The following ZFYVE1 variants were observed in gnomAD, a reference collection of about 807,000 sequenced individuals.
The protein encoded by ZFYVE1 is zinc finger FYVE-type containing 1.
Under a neutral mutation model 74.4 loss-of-function variants are expected in ZFYVE1, and 30 were observed. The observed-to-expected ratio is 0.40, with a 90% CI of 0.30 to 0.55. ZFYVE1 has a LOEUF of 0.55. Among genes scored for constraint, ZFYVE1 ranks in the 20% least tolerant of loss-of-function variants. The pLI, the probability that ZFYVE1 is intolerant of heterozygous loss-of-function variation, is 0.42. For missense variants in ZFYVE1, 703 were observed against 1,011.6 expected (o/e 0.69, Z 4.14); for synonymous variants, 335 against 385.1 (o/e 0.87, Z 1.52).
chr14:72,979,984 A>G (rs750608871), intron 5 of ZFYVE1, among the ~76,000 whole-genome samples: 1 of 152,208 alleles, frequency 6.6e-6, no homozygotes, highest in Non-Finnish European at 1.5e-5. Context: ...TAAAAGGGAA[A>G]GTTCCAGAAA....
chr14:72,994,286 G>A (rs1893692752), intron 3 of ZFYVE1, among the ~76,000 whole-genome samples: 1 of 126,362 alleles, frequency 7.9e-6, no homozygotes, highest in African/African-American at 3.0e-5. Context: ...TCGCACCACT[G>A]CACTCCAGCC....
At chr14:72,997,390 G>A (rs1193873443) in intron 3 of ZFYVE1, among the ~76,000 whole-genome samples, 1 of 151,650 alleles carries the variant, frequency 6.6e-6, no homozygotes, top group Non-Finnish European at 1.5e-5. Context: ...TAGAGACATA[G>A]CCTCACTATG....
At chr14:73,017,780 C>G (rs1240625434) in intron 2 of ZFYVE1, among the ~76,000 whole-genome samples, 1 of 152,192 alleles carries the variant, frequency 6.6e-6, no homozygotes, top group Non-Finnish European at 1.5e-5. Flanking sequence ...CCTAAGTGGT[C>G]TCCCTGCCTT....
chr14:72,975,075 C>CTTGTCCTTGTTGAGCT lies in ZFYVE1; in HGVS notation c.1807-117_1807-116insAGCTCAACAAGGACAA. On this transcript the variant is annotated intron_variant, in intron 9 of 11. Coordinates refer to ENST00000556143, the MANE Select transcript of ZFYVE1 (RefSeq NM_021260.4). This position sits in a 1 kb window ranked among gnomAD's most constrained non-coding sequence, Gnocchi z 4.1. Reference sequence around the variant, plus strand: ...GAAACTAAGGCAGGTGGCGTTAGCTCAACAAGGACAAGAGCTTTCTAGTAA... The same window carrying CTTGTCCTTGTTGAGCT: ...GAAACTAAGGCAGGTGGCGTTAGCTCTTGTCCTTGTTGAGCTAACAAGGACAAGAGCTTTCTAGTAA... 1 of 1,135,702 alleles carries CTTGTCCTTGTTGAGCT rather than the reference C, an allele frequency of 8.8e-7. No homozygotes were observed. The highest frequency in any genetic ancestry group is 1.2e-6 in the Non-Finnish European group (1 of 814,620). The allele number at this position is 1,135,702 out of a possible 1,614,324, so 70.4% of individuals were successfully genotyped here.
At chr14:72,972,709 CTTT>C (rs764679644) in intron 11 of ZFYVE1, among the ~76,000 whole-genome samples, 8 of 140,282 alleles carry the variant, frequency 5.7e-5, no homozygotes, top group Non-Finnish European at 7.8e-5. Context: ...TTTAAATCTT[CTTT>C]TTTTTTTTTT....
intron 3 of ZFYVE1, among the ~76,000 whole-genome samples, chr14:72,994,322 CAAAAAAAAAAA>C (rs71109776): frequency 9.6e-5 from 3 of 31,128 alleles, no homozygotes; most frequent in African/African-American, 1.2e-4. Flanking sequence ...GACGCTGTCT[CAAAAAAAAAAA>C]AAAAAAAAAA....
At chr14:73,010,921 T>C (rs143319887) in intron 2 of ZFYVE1, among the ~76,000 whole-genome samples, 7,460 of 151,886 alleles carry the variant, frequency 0.049, 265 homozygotes, top group African/African-American at 0.1. Context: ...GGATACTGCA[T>C]GAAGGATTTT....
In ZFYVE1 at chr14:72,969,744, A is replaced by G; in HGVS notation, c.*1138T>C. On this transcript the variant is annotated 3_prime_UTR_variant, in exon 12 of 12. Coordinates refer to ENST00000556143, the MANE Select transcript of ZFYVE1 (RefSeq NM_021260.4). The stretch of plus-strand genomic sequence containing the variant: ...CGGGCCCTTTCCAGTCATGACAGAC[A>G]GAGATGTCCAGGCTCTTGAGGAGAA... The G allele has an allele frequency of 1.4e-6, 1 of 694,856 alleles. No homozygotes were observed. Among genetic ancestry groups the G allele is most frequent in the Non-Finnish European group, 2.6e-6 (1 of 384,756 alleles). 43.0% of individuals were successfully genotyped at this position (694,856 alleles called of 1,614,324 possible). A position where few individuals can be genotyped will look rare whatever the true frequency, so the allele number is the denominator to read the frequency against.
chr14:73,007,138 T>C (rs1285953270), intron 2 of ZFYVE1, among the ~76,000 whole-genome samples: 3 of 152,098 alleles, frequency 2.0e-5, no homozygotes, highest in African/African-American at 7.2e-5. Flanking sequence ...CACAGAATCA[T>C]TCTAGAATGA....
chr14:72,990,358 T>C (rs1643488378), intron 4 of ZFYVE1, among the ~76,000 whole-genome samples: 1 of 151,670 alleles, frequency 6.6e-6, no homozygotes, highest in Non-Finnish European at 1.5e-5. Context: ...ATTTTGAGGA[T>C]GCCAGTTACC....
At chr14:72,984,412 C>T (rs1184116742) in intron 4 of ZFYVE1, among the ~76,000 whole-genome samples, 2 of 151,836 alleles carry the variant, frequency 1.3e-5, no homozygotes, top group Admixed American at 6.6e-5. Flanking sequence ...GCCTGTAATC[C>T]CAGCTACTCA....
chr14:72,997,589 A>C (rs769996246), intron 3 of ZFYVE1, among the ~76,000 whole-genome samples: 3 of 152,186 alleles, frequency 2.0e-5, no homozygotes, highest in Admixed American at 6.5e-5. Flanking sequence ...AAGGACTTAT[A>C]TATTGCCAAA....
intron 2 of ZFYVE1, among the ~76,000 whole-genome samples, chr14:73,019,556 G>C (rs1413694853): frequency 6.6e-6 from 1 of 152,184 alleles, no homozygotes; most frequent in Non-Finnish European, 1.5e-5. Flanking sequence ...CTTTGATAAT[G>C]ATAAATAATA....
rs578111116 is a variant in ZFYVE1, at chr14:73,003,772, A to G, written c.484-5457T>C. Among the ~76,000 whole-genome samples, 25 of 152,276 alleles carry G rather than the reference A, an allele frequency of 1.6e-4. 1 individual carries two copies. In the South Asian group the frequency reaches 5.2e-3, roughly 32 times the overall value. ...TGACATCACTATTGTTTCATTATTA[A>G]GAGCCTGAATATTCCTGATAATACT... On this transcript the variant is annotated intron_variant, in intron 2 of 11. Coordinates refer to ENST00000556143, the MANE Select transcript of ZFYVE1 (RefSeq NM_021260.4).
chr14:72,981,887 A>G lies in ZFYVE1; in HGVS notation c.1212T>C (p.Ser404=), dbSNP rs757444481. The change falls in exon 5 of 12, where the codon AGT becomes AGC. Residue 404 remains serine, a synonymous_variant. Coordinates refer to ENST00000556143, the MANE Select transcript of ZFYVE1 (RefSeq NM_021260.4). ...GVIFKALKAL[S]DRFSGEIPDD... The stretch of plus-strand genomic sequence containing the variant: ...CGGGGATCTCACCGCTGAAGCGGTC[A>G]CTTAGTGCCTGCCAAGGAGGGAAGG... 2 of 1,613,998 alleles carry G rather than the reference A, an allele frequency of 1.2e-6. No individual in the cohort carries two copies. Among genetic ancestry groups the G allele is most frequent in the East Asian group, 2.2e-5 (1 of 44,882 alleles).
At chr14:73,000,432 G>A (rs1403082097) in intron 2 of ZFYVE1, among the ~76,000 whole-genome samples, 2 of 151,936 alleles carry the variant, frequency 1.3e-5, no homozygotes, top group Admixed American at 6.6e-5. Flanking sequence ...TGCGACCTCT[G>A]TCTCTATAAA....
At chr14:72,990,754 G>C (rs1413057192) in intron 4 of ZFYVE1, among the ~76,000 whole-genome samples, 8 of 124,636 alleles carry the variant, frequency 6.4e-5, no homozygotes, top group African/African-American at 2.4e-4. Context: ...CTAGAGTACA[G>C]TGGCGCACTG....
chr14:72,981,935 G>A lies in ZFYVE1; in HGVS notation c.1204-40C>T, dbSNP rs370242001. The A allele has an allele frequency of 1.8e-5, 27 of 1,514,984 alleles. No homozygotes were observed. In the Admixed American group the frequency reaches 4.1e-4, roughly 23 times the overall value. 93.8% of individuals were successfully genotyped at this position (1,514,984 alleles called of 1,614,324 possible). On this transcript the variant is annotated intron_variant, in intron 4 of 11. Transcript: ENST00000556143. Reference sequence around the variant, plus strand: ...AGGTGACATATGATGGCACTCAGTAGAGAGCTCCGCACTTTGGCCCCCCAC... The same window carrying A: ...AGGTGACATATGATGGCACTCAGTAAAGAGCTCCGCACTTTGGCCCCCCAC...
intron 2 of ZFYVE1, among the ~76,000 whole-genome samples, chr14:73,023,736 A>G (rs1254431670): frequency 6.6e-6 from 1 of 152,116 alleles, no homozygotes; most frequent in Non-Finnish European, 1.5e-5. Flanking sequence ...CTGACCATTT[A>G]TTATGCGACA....
Sources: gnomAD v4.1 joint callset for allele counts (sites outside exome capture counted in the v4.1 genomes callset) on GRCh38, gnomAD v4.1.1 for gene constraint, Gnocchi (gnomAD v3.1) non-coding constraint, MANE v1.5 for transcripts, NCBI Gene and HGNC (gene_info 2026-07-23, HGNC 2026-07-21) for gene names.